The following ZDHHC1 variants were observed in gnomAD, a reference collection of about 807,000 sequenced individuals.
The protein encoded by ZDHHC1 is palmitoyltransferase ZDHHC1.
In ZDHHC1, 45 loss-of-function variants were observed where a neutral mutation model predicts 46.9. The ratio of observed to expected loss-of-function variants is 0.96; its 90% confidence interval spans 0.76 to 1.23. ZDHHC1 has a LOEUF of 1.23. Among genes scored for constraint, ZDHHC1 ranks in the 50% most tolerant of loss-of-function variants. ZDHHC1 has a pLI of 0.00. For synonymous variants in ZDHHC1, 291 were observed against 286.0 expected, an observed-to-expected ratio of 1.02 and a Z score of -0.18; for missense variants, 649 against 670.8, an observed-to-expected ratio of 0.97 and a Z score of 0.36.
rs1450357370 is a variant in ZDHHC1 at position 67,394,559 on chromosome 16, TAG to T, written c.*49_*50del. The stretch of plus-strand genomic sequence containing the variant: ...GGTGCGGCAAGGATGGGGTGTTGCA[TAG>T]AGAGTCAGGCCGGCCGCTCTAACTC... On this transcript the variant is annotated 3_prime_UTR_variant, in exon 12 of 12. Transcript: ENST00000565726. 39 of 1,128,880 alleles carry T rather than the reference TAG, an allele frequency of 3.5e-5. No homozygotes were observed. The highest frequency in any genetic ancestry group is 4.1e-5 in the Non-Finnish European group (38 of 923,148). The allele number at this position is 1,128,880 out of a possible 1,614,324, so 69.9% of individuals were successfully genotyped here. A position where few individuals can be genotyped will look rare whatever the true frequency, so the allele number is the denominator to read the frequency against.
chr16:67,415,010 G>A (rs549460361), intron 1 of ZDHHC1, among the ~76,000 whole-genome samples: 33 of 152,198 alleles, frequency 2.2e-4, no homozygotes, highest in African/African-American at 6.7e-4. Flanking sequence ...GGTGGCAGGC[G>A]CCTGTAATCC....
chr16:67,400,090 G>C (rs546710414), intron 4 of ZDHHC1, among the ~76,000 whole-genome samples: 99 of 152,356 alleles, frequency 6.5e-4, no homozygotes, highest in Non-Finnish European at 9.7e-4. Context: ...ACAGGGCAGA[G>C]CCCTGCAATG....
intron 1 of ZDHHC1, among the ~76,000 whole-genome samples, chr16:67,413,235 G>C (rs1344225217): frequency 1.3e-5 from 2 of 152,112 alleles, no homozygotes; most frequent in African/African-American, 4.8e-5. Flanking sequence ...GTAAACAACC[G>C]TGCCCAGTCG....
chr16:67,404,789 G>T, intron 3 of ZDHHC1: 1 of 450,328 alleles, frequency 2.2e-6, no homozygotes, highest in Admixed American at 2.4e-5. Context: ...CATGTAAAGT[G>T]GCTGACGCAG....
chr16:67,412,666 C>A (rs1167341090), intron 1 of ZDHHC1, among the ~76,000 whole-genome samples: 1 of 152,224 alleles, frequency 6.6e-6, no homozygotes, highest in Non-Finnish European at 1.5e-5. Context: ...TCCTTGGCCA[C>A]AGCCAACTCA....
chr16:67,404,062 G>A (rs1376112455), intron 3 of ZDHHC1: 2 of 152,434 alleles, frequency 1.3e-5, no homozygotes. Flanking sequence ...TAGAAACTCA[G>A]CGGTCATCCA....
Position 67,399,468 on chromosome 16 carries a change from G to T in ZDHHC1, c.429-12C>A, listed in dbSNP as rs777449704. 8 of 1,603,312 alleles carry T rather than the reference G, an allele frequency of 5.0e-6. No individual in the cohort carries two copies. The highest frequency in any genetic ancestry group is 6.8e-6 in the Non-Finnish European group (8 of 1,173,166). On this transcript the variant is annotated splice_polypyrimidine_tract_variant and intron_variant, in intron 4 of 11. Coordinates refer to ENST00000565726, the MANE Select transcript of ZDHHC1 (RefSeq NM_001323627.2). ...TGGAGCGAGCGCTCCTGCAGGGAGAGGGGGCACAGCGCGATTGGCCGGCTC... is the reference window on the plus strand; with the variant it reads ...TGGAGCGAGCGCTCCTGCAGGGAGATGGGGCACAGCGCGATTGGCCGGCTC...
intron 1 of ZDHHC1, among the ~76,000 whole-genome samples, chr16:67,412,056 T>C (rs984173431): frequency 3.3e-5 from 5 of 151,234 alleles, no homozygotes; most frequent in African/African-American, 1.2e-4. Flanking sequence ...GAGGTTGCAG[T>C]GAGCCGAGAT....
At chr16:67,412,135 G>A (rs2040757256) in intron 1 of ZDHHC1, among the ~76,000 whole-genome samples, 1 of 151,798 alleles carries the variant, frequency 6.6e-6, no homozygotes, top group African/African-American at 2.4e-5. Context: ...AAAAAAGGCT[G>A]CGGGGATGGA....
At chr16:67,412,238 G>A (rs1428315851) in intron 1 of ZDHHC1, among the ~76,000 whole-genome samples, 2 of 152,004 alleles carry the variant, frequency 1.3e-5, no homozygotes, top group African/African-American at 4.8e-5. Flanking sequence ...AGACCTAGTG[G>A]TCCAAGAGCT....
chr16:67,400,514 C>T (rs929431609), intron 4 of ZDHHC1, among the ~76,000 whole-genome samples: 10 of 152,230 alleles, frequency 6.6e-5, no homozygotes, highest in Non-Finnish European at 1.5e-4. Context: ...AATCTGGCTC[C>T]GCTATCAGTG....
chr16:67,407,457 G>C (rs1003451088), intron 2 of ZDHHC1, among the ~76,000 whole-genome samples: 1 of 152,194 alleles, frequency 6.6e-6, no homozygotes, highest in African/African-American at 2.4e-5. Context: ...AAGCAGAAAG[G>C]GTGCCGCAGA....
intron 2 of ZDHHC1, among the ~76,000 whole-genome samples, chr16:67,407,197 C>T (rs1020793743): frequency 2.6e-4 from 39 of 152,338 alleles, no homozygotes; most frequent in African/African-American, 8.7e-4. Context: ...CCCCTCCACC[C>T]GCCACCCTCT....
chr16:67,402,983 G>A (rs1219458457), intron 3 of ZDHHC1, among the ~76,000 whole-genome samples: 2 of 152,226 alleles, frequency 1.3e-5, no homozygotes, highest in African/African-American at 4.8e-5. Flanking sequence ...AAGTTCGTGG[G>A]ACTATGCCAG....
intron 1 of ZDHHC1, among the ~76,000 whole-genome samples, chr16:67,414,722 T>C (rs2040804811): frequency 6.6e-6 from 1 of 152,234 alleles, no homozygotes; most frequent in Admixed American, 6.5e-5. Flanking sequence ...ACTCCCATCA[T>C]GAGGACACTG....
Position 67,394,712 on chromosome 16 carries a change from T to A in ZDHHC1, c.1347A>T (p.Arg449=), listed in dbSNP as rs1431388890. Residue 449 remains arginine (R), a synonymous_variant, in exon 12 of 12, where the codon CGA becomes CGT. Transcript: ENST00000565726. ...AALAAPRGRG[R]QPTLARQARA... is the part of the protein sequence containing the mutation. Reference sequence around the variant, plus strand: ...GCGCCTGCCGCGCCAGCGTGGGCTGTCGGCCCCGGCCCCGCGGGGCGGCCA... The same window carrying A: ...GCGCCTGCCGCGCCAGCGTGGGCTGACGGCCCCGGCCCCGCGGGGCGGCCA... 3 of 1,342,160 alleles carry A rather than the reference T, an allele frequency of 2.2e-6. No homozygotes were observed. The highest frequency in any genetic ancestry group is 2.9e-6 in the Non-Finnish European group (3 of 1,052,184). The allele number at this position is 1,342,160 out of a possible 1,614,324, so 83.1% of individuals were successfully genotyped here.
chr16:67,398,184 G>T, intron 8 of ZDHHC1, 28 bp downstream of exon 8: 2 of 1,597,154 alleles, frequency 1.3e-6, no homozygotes, highest in East Asian at 4.5e-5. Flanking sequence ...CCACACCCAG[G>T]CCCCCTCCCA....
In ZDHHC1 at chr16:67,399,468, G is replaced by A. The variant is rs777449704; in HGVS notation, c.429-12C>T. On this transcript the variant is annotated splice_polypyrimidine_tract_variant and intron_variant, in intron 4 of 11. Coordinates refer to ENST00000565726, the MANE Select transcript of ZDHHC1 (RefSeq NM_001323627.2). ...TGGAGCGAGCGCTCCTGCAGGGAGA[G>A]GGGGCACAGCGCGATTGGCCGGCTC... The A allele has an allele frequency of 1.2e-6, 2 of 1,603,312 alleles. No homozygotes were observed. The highest frequency in any genetic ancestry group is 2.2e-5 in the East Asian group (1 of 44,466).
Position 67,406,505 on chromosome 16 carries a change from TGTG to T in ZDHHC1, c.10-66_10-64del. On this transcript the variant is annotated intron_variant, in intron 2 of 11. Transcript: ENST00000565726. This position sits in a 1 kb window ranked among gnomAD's most constrained non-coding sequence, Gnocchi z 4.1. The stretch of plus-strand genomic sequence containing the variant: ...AGAAGCTGGGCTGGAGCCCAGGGCC[TGTG>T]TCTGCAGCCAAGTTTCAGCACAGGG... 1.4e-6 allele frequency: 2 copies of T among 1,444,648 alleles called. No homozygotes were observed. The highest frequency in any genetic ancestry group is 1.8e-6 in the Non-Finnish European group (2 of 1,098,530). The allele number at this position is 1,444,648 out of a possible 1,614,324, so 89.5% of individuals were successfully genotyped here.
Sources: allele counts gnomAD v4.1 joint callset (sites outside exome capture counted in the v4.1 genomes callset), GRCh38; gene constraint gnomAD v4.1.1; non-coding constraint Gnocchi (gnomAD v3.1); transcripts MANE v1.5; gene names NCBI Gene and HGNC (gene_info 2026-07-23, HGNC 2026-07-21).